Variants in PTPRT observed in about 807,000 individuals in gnomAD.
The protein encoded by PTPRT is protein tyrosine phosphatase receptor type T, also known as receptor-type tyrosine-protein phosphatase T.
A neutral mutation model predicts 176.8 loss-of-function variants in PTPRT; 56 were observed. The observed-to-expected ratio is 0.32, with a 90% confidence interval of 0.26 to 0.40. The LOEUF (loss-of-function observed/expected upper bound fraction) is 0.40. Among genes scored for constraint, PTPRT ranks in the 10% least tolerant of loss-of-function variants. PTPRT has a pLI of 1.00. For missense variants in PTPRT, 1,540 were observed against 1,908.2 expected (o/e 0.81, Z 3.60); for synonymous variants, 783 against 739.0 (o/e 1.06, Z -0.96).
intron 7 of PTPRT, among the ~76,000 whole-genome samples, chr20:42,563,538 A>G (rs2072988308): frequency 6.6e-6 from 1 of 152,204 alleles, no homozygotes; most frequent in South Asian, 2.1e-4. Flanking sequence ...ATACACAAAG[A>G]TATGTACCAG....
chr20:42,145,872 T>G (rs1256658676), intron 17 of PTPRT, among the ~76,000 whole-genome samples: 19 of 152,196 alleles, frequency 1.2e-4, no homozygotes, highest in Admixed American at 1.2e-3. Context: ...ATACAGGTGC[T>G]AGGTTTTGGG....
intron 12 of PTPRT, among the ~76,000 whole-genome samples, chr20:42,300,257 C>G (rs1165758525): frequency 2.0e-5 from 1 of 49,618 alleles, no homozygotes; most frequent in African/African-American, 8.2e-5. Flanking sequence ...AACTCCGTCT[C>G]AAAAAAAAAA....
At chr20:42,569,068 AAAAAAAAAAAAAAATATAT>A (rs1193873848) in intron 7 of PTPRT, among the ~76,000 whole-genome samples, 1 of 100,068 alleles carries the variant, frequency 1.0e-5, no homozygotes, top group African/African-American at 4.1e-5. Context: ...AAAAAAAAAA[AAAAAAAAAAAAAAATATAT>A]ATATATATAT....
chr20:42,532,884 A>G (rs964534059), intron 7 of PTPRT, among the ~76,000 whole-genome samples: 11 of 152,048 alleles, frequency 7.2e-5, no homozygotes, highest in African/African-American at 2.4e-4. Flanking sequence ...AGAGGCCCAC[A>G]GTCTACACCC....
Position 42,096,756 on chromosome 20 carries a change from A to AATTT in PTPRT, c.3846+1664_3846+1665insAAAT, listed in dbSNP as rs1555862037. ...ATGGCACCATGCCTGGCTAATTAAA[A>AATTT]TTTTTTTTTTTTTTTTTTTTTTTTG... On this transcript the variant is annotated intron_variant, in intron 27 of 30. Coordinates refer to ENST00000373187, the MANE Select transcript of PTPRT (RefSeq NM_007050.6). 2.0e-3 allele frequency among the ~76,000 whole-genome samples: 234 copies of AATTT among 118,880 alleles called. 2 individuals are homozygous for AATTT. The highest frequency in any genetic ancestry group is 2.3e-3 in the Non-Finnish European group (130 of 57,240). 78.0% of individuals were successfully genotyped at this position (118,880 alleles called of 152,430 possible).
intron 6 of PTPRT, among the ~76,000 whole-genome samples, chr20:42,754,227 C>A (rs1412662551): frequency 6.6e-6 from 1 of 152,136 alleles, no homozygotes; most frequent in Non-Finnish European, 1.5e-5. Flanking sequence ...GCTCAGCCGC[C>A]CAGGCTGGAT....
intron 1 of PTPRT, among the ~76,000 whole-genome samples, chr20:42,925,548 C>T (rs542745076): frequency 6.6e-6 from 1 of 152,294 alleles, no homozygotes; most frequent in African/African-American, 2.4e-5. Context: ...ATTCAATGCT[C>T]ATGGATGCCC....
intron 7 of PTPRT, among the ~76,000 whole-genome samples, chr20:42,541,524 AGT>A (rs2072579420): frequency 2.0e-3 from 1 of 510 alleles, no homozygotes; most frequent in Non-Finnish European, 3.9e-3. Context: ...ATAGTAAATA[AGT>A]ATTTACTAGT....
chr20:42,112,034 G>C (rs1987024122), intron 22 of PTPRT, among the ~76,000 whole-genome samples: 1 of 152,084 alleles, frequency 6.6e-6, no homozygotes, highest in Admixed American at 6.5e-5. Context: ...GATGAGAGCT[G>C]GATCCCAGAA....
intron 1 of PTPRT, among the ~76,000 whole-genome samples, chr20:43,135,795 A>T (rs146879809): frequency 6.6e-6 from 1 of 152,180 alleles, no homozygotes; most frequent in Non-Finnish European, 1.5e-5. Flanking sequence ...TTGACAGTGT[A>T]TTGGAGGCGG....
chr20:42,942,959 G>C (rs762121192), intron 1 of PTPRT, among the ~76,000 whole-genome samples: 1 of 152,196 alleles, frequency 6.6e-6, no homozygotes, highest in African/African-American at 2.4e-5. Flanking sequence ...ATTAAACTCT[G>C]CAACAGAGAC....
chr20:42,537,856 G>C lies in PTPRT; in HGVS notation c.1154-65294C>G, dbSNP rs770945704. On this transcript the variant is annotated intron_variant, in intron 7 of 30. Transcript: ENST00000373187. Reference sequence around the variant, plus strand: ...TCACTGACGTCTGAAACAAAGTATGGACGCACAACTAAACAACTAGTTTAG... The same window carrying C: ...TCACTGACGTCTGAAACAAAGTATGCACGCACAACTAAACAACTAGTTTAG... 4.6e-5 allele frequency among the ~76,000 whole-genome samples: 7 copies of C among 152,112 alleles called. 1 individual carries two copies. The highest frequency in any genetic ancestry group is 1.0e-4 in the Non-Finnish European group (7 of 67,998).
Position 42,780,147 on chromosome 20 carries a change from G to A in PTPRT, c.568+71C>T, listed in dbSNP as rs1387568523. The A allele has an allele frequency of 3.1e-5, 37 of 1,190,812 alleles. No homozygotes were observed. The Admixed American group carries it at 6.3e-4, about 20-fold the overall frequency. The allele number at this position is 1,190,812 out of a possible 1,614,324, so 73.8% of individuals were successfully genotyped here. A position where few individuals can be genotyped will look rare whatever the true frequency, so the allele number is the denominator to read the frequency against. On this transcript the variant is annotated intron_variant, in intron 4 of 30. Coordinates refer to ENST00000373187, the MANE Select transcript of PTPRT (RefSeq NM_007050.6). ...ATGTTTGTAAGCTGAATGAATGGAA[G>A]GGATTGCAGGCTCTATGCTACCCAG... is the stretch of plus-strand genomic sequence containing the variant.
At chr20:43,188,231 G>T (rs555060369) in intron 1 of PTPRT, among the ~76,000 whole-genome samples, 3 of 152,076 alleles carry the variant, frequency 2.0e-5, no homozygotes, top group Admixed American at 2.0e-4. Context: ...CAAGAATTGT[G>T]CACCATCTTT....
chr20:43,063,954 C>T (rs908187617), intron 1 of PTPRT, among the ~76,000 whole-genome samples: 2 of 151,990 alleles, frequency 1.3e-5, no homozygotes, highest in African/African-American at 2.4e-5. Flanking sequence ...ATAAAATTTG[C>T]TAATAGCATG....
intron 9 of PTPRT, among the ~76,000 whole-genome samples, chr20:42,386,812 A>T (rs938565221): frequency 6.6e-5 from 10 of 152,208 alleles, no homozygotes; most frequent in Non-Finnish European, 8.8e-5. Context: ...GTGAGCCGAG[A>T]TTGTGCCACT....
intron 6 of PTPRT, among the ~76,000 whole-genome samples, chr20:42,727,014 C>T (rs771008780): frequency 6.6e-6 from 1 of 152,082 alleles, no homozygotes; most frequent in Non-Finnish European, 1.5e-5. Context: ...AAGGTTACCT[C>T]CCAAGGCCTC....
chr20:43,141,379 A>T (rs2013997374), intron 1 of PTPRT, among the ~76,000 whole-genome samples: 1 of 152,130 alleles, frequency 6.6e-6, no homozygotes, highest in African/African-American at 2.4e-5. Context: ...GCTTCTAGGG[A>T]TGGCTGGTTA....
intron 20 of PTPRT, among the ~76,000 whole-genome samples, chr20:42,118,982 G>A (rs538659448): frequency 2.5e-4 from 31 of 122,892 alleles, no homozygotes; most frequent in Non-Finnish European, 4.3e-4. Flanking sequence ...AATGCTGGAG[G>A]CATTCCTCTA....
Sources: gnomAD v4.1 joint callset for allele counts (sites outside exome capture counted in the v4.1 genomes callset) on GRCh38, gnomAD v4.1.1 for gene constraint, MANE v1.5 for transcripts, NCBI Gene and HGNC (gene_info 2026-07-23, HGNC 2026-07-21) for gene names.